PACRG: variants seen among roughly 807,000 people sequenced by gnomAD.
The protein encoded by PACRG is parkin coregulated.
A neutral mutation model predicts 29.7 loss-of-function variants in PACRG; 29 were observed. The ratio of observed to expected loss-of-function variants is 0.98; its 90% confidence interval spans 0.73 to 1.33. The LOEUF (loss-of-function observed/expected upper bound fraction) is 1.33, where lower values mean the gene tolerates loss of function less well. Ranked by LOEUF, PACRG falls within the 40% of genes most tolerant of loss-of-function variation. The probability of loss-of-function intolerance (pLI) is 0.00; values close to 1 mark genes in which losing one functional copy is unlikely to be tolerated. For missense variants in PACRG, 279 were observed against 316.2 expected (o/e 0.88, Z 0.89); for synonymous variants, 116 against 118.7 (o/e 0.98, Z 0.15).
chr6:163,050,428 G>T (rs550362079), intron 2 of PACRG, among the ~76,000 whole-genome samples: 2 of 151,694 alleles, frequency 1.3e-5, no homozygotes, highest in Non-Finnish European at 2.9e-5. Context: ...TTATAAACCC[G>T]CCATATTGAT....
At chr6:162,970,201 T>C (rs988251142) in intron 2 of PACRG, among the ~76,000 whole-genome samples, 1 of 152,154 alleles carries the variant, frequency 6.6e-6, no homozygotes, top group East Asian at 1.9e-4. Flanking sequence ...TCACCAAAAT[T>C]CCAGCTCTAA....
At position 162,940,773 on chromosome 6, in the gene PACRG, T is replaced by C. The variant is rs1374986862; in HGVS notation, c.292-121377T>C. ...GCATTTTATCATTGGAGGGGTGAAA[T>C]GTTATGAAGGAAGATGACAACAACA... is the stretch of plus-strand genomic sequence containing the variant. On this transcript the variant is annotated intron_variant, in intron 2 of 4. Coordinates refer to ENST00000366888, the MANE Select transcript of PACRG (RefSeq NM_001080379.2). Among the ~76,000 whole-genome samples, 3 of 151,994 alleles carry C rather than the reference T, an allele frequency of 2.0e-5. No individual in the cohort carries two copies. In the South Asian group the frequency reaches 6.2e-4, roughly 31 times the overall value.
intron 2 of PACRG, among the ~76,000 whole-genome samples, chr6:162,881,149 A>G (rs1486273721): frequency 1.3e-5 from 2 of 152,174 alleles, no homozygotes; most frequent in African/African-American, 2.4e-5. Flanking sequence ...CATATACTTC[A>G]TTCTTTGGAT....
chr6:163,212,778 A>G (rs1781203254), intron 4 of PACRG, among the ~76,000 whole-genome samples: 1 of 137,058 alleles, frequency 7.3e-6, no homozygotes, highest in South Asian at 2.4e-4. Flanking sequence ...TTGGAAACTG[A>G]TAATCTTTTT....
chr6:163,056,152 A>G (rs1301899260), intron 2 of PACRG, among the ~76,000 whole-genome samples: 6 of 152,312 alleles, frequency 3.9e-5, no homozygotes, highest in Admixed American at 2.6e-4. Context: ...GCCCTCATAC[A>G]TGGCTGGTGG....
At chr6:163,123,677 A>G (rs1007028460) in intron 4 of PACRG, among the ~76,000 whole-genome samples, 3 of 152,212 alleles carry the variant, frequency 2.0e-5, no homozygotes, top group African/African-American at 4.8e-5. Flanking sequence ...TCCATCCGCT[A>G]GTAACCAGCG....
At chr6:163,034,279 C>T (rs921411126) in intron 2 of PACRG, among the ~76,000 whole-genome samples, 2 of 152,092 alleles carry the variant, frequency 1.3e-5, no homozygotes, top group African/African-American at 2.4e-5. Flanking sequence ...CCCACAATCC[C>T]GTACATGCCT....
At chr6:162,983,371 T>G (rs113699115) in intron 2 of PACRG, among the ~76,000 whole-genome samples, 1,963 of 151,404 alleles carry the variant, frequency 0.013, 39 homozygotes, top group African/African-American at 0.044. Context: ...AAATACCTTA[T>G]TTTTTTTTCC....
intron 4 of PACRG, among the ~76,000 whole-genome samples, chr6:163,183,835 T>A (rs929880566): frequency 9.2e-5 from 14 of 152,102 alleles, no homozygotes; most frequent in African/African-American, 3.4e-4. Context: ...AAACTGTAGG[T>A]TTTTTACTGA....
intron 4 of PACRG, among the ~76,000 whole-genome samples, chr6:163,184,185 T>G (rs1298072169): frequency 2.0e-5 from 3 of 152,252 alleles, no homozygotes; most frequent in Non-Finnish European, 4.4e-5. Context: ...TTTAGCTCCT[T>G]GTGCTCGGTT....
intron 2 of PACRG, among the ~76,000 whole-genome samples, chr6:162,928,151 T>C (rs1797588659): frequency 6.6e-6 from 1 of 152,024 alleles, no homozygotes. Flanking sequence ...CATTTGGGCT[T>C]TTTTTGAGGG....
chr6:163,206,663 G>A (rs191700300), intron 4 of PACRG, among the ~76,000 whole-genome samples: 8 of 152,162 alleles, frequency 5.3e-5, no homozygotes, highest in Admixed American at 4.6e-4. Context: ...ATGTACCCCT[G>A]AGCCCAAAAT....
chr6:163,179,917 C>A (rs1036590005), intron 4 of PACRG, among the ~76,000 whole-genome samples: 2 of 152,154 alleles, frequency 1.3e-5, no homozygotes, highest in Non-Finnish European at 2.9e-5. Flanking sequence ...AGGCAGGAAC[C>A]GCCAGGCACC....
chr6:162,946,524 G>T (rs1034380045), intron 2 of PACRG, among the ~76,000 whole-genome samples: 1 of 151,992 alleles, frequency 6.6e-6, no homozygotes, highest in African/African-American at 2.4e-5. Context: ...GCAAAGTTCT[G>T]CACCTGAGGC....
intron 3 of PACRG, among the ~76,000 whole-genome samples, chr6:163,062,690 G>A (rs1562879361): frequency 6.6e-6 from 1 of 152,150 alleles, no homozygotes; most frequent in African/African-American, 2.4e-5. Flanking sequence ...ACACCGTTAT[G>A]TTGAGTATAT....
chr6:163,165,949 G>T, intron 4 of PACRG: 1 of 370,750 alleles, frequency 2.7e-6, no homozygotes, highest in South Asian at 2.0e-5. Context: ...CTTCAATACA[G>T]AATTATTTTT....
chr6:162,773,314 G>C (rs1783365700), intron 1 of PACRG, among the ~76,000 whole-genome samples: 1 of 151,942 alleles, frequency 6.6e-6, no homozygotes, highest in Admixed American at 6.6e-5. Context: ...TTCTGTCATG[G>C]TTTTCATAAA....
At chr6:163,313,490 A>G (rs1785519297) in intron 4 of PACRG, among the ~76,000 whole-genome samples, 1 of 152,182 alleles carries the variant, frequency 6.6e-6, no homozygotes. Flanking sequence ...TAATTGTTAT[A>G]TTTATTCTGG....
chr6:162,912,803 C>A (rs993397936), intron 2 of PACRG, among the ~76,000 whole-genome samples: 20 of 151,680 alleles, frequency 1.3e-4, no homozygotes, highest in Non-Finnish European at 2.4e-4. Context: ...ATCTCCTGAC[C>A]TCATGATCTG....
Sources: allele counts gnomAD v4.1 joint callset (sites outside exome capture counted in the v4.1 genomes callset), GRCh38; gene constraint gnomAD v4.1.1; transcripts MANE v1.5; gene names NCBI Gene and HGNC (gene_info 2026-07-23, HGNC 2026-07-21).